Variants in OR5P3 observed in about 807,000 individuals in gnomAD.
The protein encoded by OR5P3 is olfactory receptor family 5 subfamily P member 3.
For missense variants in OR5P3, 415 were observed against 375.6 expected (o/e 1.10, Z -0.87); for synonymous variants, 172 against 141.8 (o/e 1.21, Z -1.51).
At chr11:7,829,483 T>A (rs1052799775) in intron 1 of OR5P3, among the ~76,000 whole-genome samples, 5 of 152,156 alleles carry the variant, frequency 3.3e-5, no homozygotes, top group African/African-American at 1.2e-4. Context: ...CAGTCACAAT[T>A]GTGCCCAGTT....
intron 1 of OR5P3, among the ~76,000 whole-genome samples, chr11:7,828,149 A>C (rs1392169545): frequency 6.6e-6 from 1 of 152,162 alleles, no homozygotes; most frequent in African/African-American, 2.4e-5. Flanking sequence ...TAAGAGAAAA[A>C]AAAGTTCATC....
intron 1 of OR5P3, 23 bp downstream of exon 1, chr11:7,830,801 C>T (rs189432546): frequency 1.8e-4 from 28 of 152,134 alleles, no homozygotes; most frequent in African/African-American, 6.7e-4. Context: ...ATTCCTGTAT[C>T]AATAGAAAAG....
intron 1 of OR5P3, among the ~76,000 whole-genome samples, chr11:7,828,200 G>A (rs1857766642): frequency 6.6e-6 from 1 of 152,146 alleles, no homozygotes; most frequent in Admixed American, 6.6e-5. Flanking sequence ...CTCAGGGACA[G>A]CCAAGTGTCT....
In OR5P3 at chr11:7,825,572, G is replaced by A. The variant is rs1857727375; in HGVS notation, c.401C>T (p.Thr134Ile). ...VAICSPLLYSTCMSPGVCIIL... is the reference protein window; with the variant it reads ...VAICSPLLYSICMSPGVCIIL... Reference sequence around the variant, plus strand: ...GATGCAGACTCCAGGGGACATGCAGGTAGAGTAGAGCAGGGGTGAGCAGAT... The same window carrying A: ...GATGCAGACTCCAGGGGACATGCAGATAGAGTAGAGCAGGGGTGAGCAGAT... Residue 134 changes from threonine to isoleucine, a missense_variant, in exon 2 of 2, where the codon ACC becomes ATC. Transcript: ENST00000641167. 1.2e-6 allele frequency: 2 copies of A among 1,613,202 alleles called. No individual in the cohort carries two copies. The highest frequency in any genetic ancestry group is 1.7e-5 in the Admixed American group (1 of 59,990).
intron 1 of OR5P3, 130 bp downstream of exon 1, chr11:7,830,694 C>A (rs904653726): frequency 6.6e-6 from 1 of 152,046 alleles, no homozygotes; most frequent in Admixed American, 6.6e-5. Flanking sequence ...CATGATAATA[C>A]CAAGTATGGA....
intron 1 of OR5P3, among the ~76,000 whole-genome samples, chr11:7,827,708 G>T (rs1208956946): frequency 6.6e-6 from 1 of 152,056 alleles, no homozygotes; most frequent in East Asian, 1.9e-4. Context: ...TACAGTTTGG[G>T]GTGCTTAAAA....
chr11:7,828,616 G>C (rs762081717), intron 1 of OR5P3, among the ~76,000 whole-genome samples: 2 of 152,032 alleles, frequency 1.3e-5, no homozygotes, highest in Non-Finnish European at 2.9e-5. Flanking sequence ...TCTCACCCAA[G>C]GAAAAGTCAT....
chr11:7,825,694 A>G lies in OR5P3; in HGVS notation c.279T>C (p.Pro93=), dbSNP rs1438289377. ...MSFLRKETSL[P]VAGCVAQLCS... is the part of the protein sequence containing the mutation. ...AGAGCTGGGCCACACAACCAGCAAC[A>G]GGGAGAGAGGTTTCTTTCCTTAGGA... is the stretch of plus-strand genomic sequence containing the variant. The change falls in exon 2 of 2, where the codon CCT becomes CCC. Residue 93 remains proline (P), a synonymous_variant. Transcript: ENST00000641167. The G allele has an allele frequency of 3.1e-6, 5 of 1,613,114 alleles. No individual in the cohort carries two copies.
At chr11:7,827,017 T>A (rs1431494194) in intron 1 of OR5P3, among the ~76,000 whole-genome samples, 1 of 152,202 alleles carries the variant, frequency 6.6e-6, no homozygotes, top group Non-Finnish European at 1.5e-5. Context: ...TCCACTCGAT[T>A]CTCTCACTTT....
intron 1 of OR5P3, among the ~76,000 whole-genome samples, chr11:7,828,304 G>C (rs1246605429): frequency 1.3e-5 from 2 of 152,110 alleles, no homozygotes; most frequent in African/African-American, 4.8e-5. Flanking sequence ...AAGGGCACAG[G>C]AAAAAGGCTT....
At position 7,825,696 on chromosome 11, in the gene OR5P3, G is replaced by T; in HGVS notation, c.277C>A (p.Pro93Thr). ...MSFLRKETSL[P>T]VAGCVAQLCS... ...AGCTGGGCCACACAACCAGCAACAG[G>T]GAGAGAGGTTTCTTTCCTTAGGAAG... Residue 93 changes from proline (P) to threonine (T), a missense_variant, in exon 2 of 2, where the codon CCT (proline) becomes ACT (threonine). Transcript: ENST00000641167. 3 of 1,613,224 alleles carry T rather than the reference G, an allele frequency of 1.9e-6. No homozygotes were observed. The highest frequency in any genetic ancestry group is 2.5e-6 in the Non-Finnish European group (3 of 1,180,038).
At chr11:7,826,230 C>T (rs938831884) in intron 1 of OR5P3, among the ~76,000 whole-genome samples, 1 of 151,106 alleles carries the variant, frequency 6.6e-6, no homozygotes, top group Admixed American at 6.6e-5. Flanking sequence ...ACACTCAACT[C>T]GTATTGGATG....
chr11:7,824,999 A>T lies in OR5P3; in HGVS notation c.*38T>A, dbSNP rs1857712872. On this transcript the variant is annotated 3_prime_UTR_variant, in exon 2 of 2. Coordinates refer to ENST00000641167, the MANE Select transcript of OR5P3 (RefSeq NM_153445.2). ...GTGTCTTATTATTATTATATATAGAATATTAATATATCAGATTCTTCAAAC... is the reference window on the plus strand; with the variant it reads ...GTGTCTTATTATTATTATATATAGATTATTAATATATCAGATTCTTCAAAC... 7.0e-7 allele frequency: 1 copy of T among 1,428,208 alleles called. No individual in the cohort carries two copies. The highest frequency in any genetic ancestry group is 9.5e-7 in the Non-Finnish European group (1 of 1,047,760). The allele number at this position is 1,428,208 out of a possible 1,614,324, so 88.5% of individuals were successfully genotyped here.
intron 1 of OR5P3, among the ~76,000 whole-genome samples, 179 bp from the exon 2 acceptor site, chr11:7,826,172 G>A (rs1857739479): frequency 6.6e-6 from 1 of 150,888 alleles, no homozygotes; most frequent in Non-Finnish European, 1.5e-5. Context: ...GTTCACTGAT[G>A]TAAGGTCAGG....
At chr11:7,828,854 A>G (rs553606760) in intron 1 of OR5P3, among the ~76,000 whole-genome samples, 7 of 152,228 alleles carry the variant, frequency 4.6e-5, no homozygotes, top group Admixed American at 1.3e-4. Flanking sequence ...TTTCATCTCT[A>G]CCTATGCTGT....
rs371675332 is a variant in OR5P3, at chr11:7,825,006, T to C, written c.*31A>G. 7.3e-5 allele frequency: 108 copies of C among 1,471,292 alleles called. No homozygotes were observed. In the Middle Eastern group the frequency reaches 1.2e-3, roughly 16 times the overall value. 91.1% of individuals were successfully genotyped at this position (1,471,292 alleles called of 1,614,324 possible). On this transcript the variant is annotated 3_prime_UTR_variant, in exon 2 of 2. Transcript: ENST00000641167. ...ATTATTATTATATATAGAATATTAA[T>C]ATATCAGATTCTTCAAACTAACTAG...
chr11:7,829,330 G>A (rs1297238242), intron 1 of OR5P3, among the ~76,000 whole-genome samples: 1 of 151,894 alleles, frequency 6.6e-6, no homozygotes, highest in African/African-American at 2.4e-5. Context: ...GTGAATGAAG[G>A]AACATAAGCA....
At chr11:7,828,031 T>C (rs141516261) in intron 1 of OR5P3, among the ~76,000 whole-genome samples, 123 of 152,218 alleles carry the variant, frequency 8.1e-4, no homozygotes, top group African/African-American at 2.8e-3. Context: ...TCTGATGACA[T>C]AAAACTCAAC....
chr11:7,830,320 A>G (rs1857796119), intron 1 of OR5P3, among the ~76,000 whole-genome samples: 1 of 152,204 alleles, frequency 6.6e-6, no homozygotes, highest in Admixed American at 6.6e-5. Flanking sequence ...GATCAATATC[A>G]TGCTATGTTA....
Sources: allele counts gnomAD v4.1 joint callset (sites outside exome capture counted in the v4.1 genomes callset), GRCh38; gene constraint gnomAD v4.1.1; transcripts MANE v1.5; gene names NCBI Gene and HGNC (gene_info 2026-07-23, HGNC 2026-07-21).